CNTNAP3: variants seen among roughly 807,000 people sequenced by gnomAD.
The protein encoded by CNTNAP3 is contactin-associated protein-like 3.
CNTNAP3 carries 36 observed loss-of-function variants against 92.1 expected under a neutral mutation model. That is an observed-to-expected ratio of 0.39 (90% CI 0.30 to 0.52). CNTNAP3 has a LOEUF of 0.52. Among genes scored for constraint, CNTNAP3 ranks in the 20% least tolerant of loss-of-function variants. CNTNAP3 has a pLI of 0.76. For synonymous variants in CNTNAP3, 232 were observed against 422.3 expected, an observed-to-expected ratio of 0.55 and a Z score of 5.53; for missense variants, 534 against 1,069.6, an observed-to-expected ratio of 0.50 and a Z score of 6.98.
intron 15 of CNTNAP3, 150 bp downstream of exon 15, chr9:39,109,010 T>C (rs1335219066): frequency 8.1e-7 from 1 of 1,236,176 alleles, no homozygotes; most frequent in Non-Finnish European, 1.1e-6. Flanking sequence ...GTACTGACTG[T>C]GCCTTTATGG....
chr9:39,118,695 A>G (rs1820929861), intron 13 of CNTNAP3, among the ~76,000 whole-genome samples: 1 of 152,220 alleles, frequency 6.6e-6, no homozygotes, highest in African/African-American at 2.4e-5. Flanking sequence ...AACTACCTGT[A>G]TATTACACAT....
At chr9:39,074,445 C>A (rs968110787) in intron 23 of CNTNAP3, among the ~76,000 whole-genome samples, 2 of 148,546 alleles carry the variant, frequency 1.3e-5, no homozygotes, top group South Asian at 4.3e-4. Flanking sequence ...ATTGAAAACA[C>A]CAAAACTCAG....
At chr9:39,117,915 T>C in intron 14 of CNTNAP3, 188 bp downstream of exon 14, 2 of 1,322,234 alleles carry the variant, frequency 1.5e-6, no homozygotes, top group Non-Finnish European at 1.0e-6. Context: ...CACAACGAAC[T>C]AGTAAATCTT....
chr9:39,091,168 C>CT (rs1319060417), intron 18 of CNTNAP3, among the ~76,000 whole-genome samples: 38 of 117,932 alleles, frequency 3.2e-4, no homozygotes, highest in East Asian at 9.6e-4. Context: ...TGTTTTTCTT[C>CT]TTCTTTTTTT....
chr9:39,120,928 C>A (rs1821004702), intron 13 of CNTNAP3, among the ~76,000 whole-genome samples: 1 of 151,942 alleles, frequency 6.6e-6, no homozygotes, highest in Non-Finnish European at 1.5e-5. Flanking sequence ...ATACTCAAGA[C>A]AATGATATTT....
chr9:39,101,267 G>A lies in CNTNAP3; in HGVS notation c.2756-1117C>T, dbSNP rs566628631. Among the ~76,000 whole-genome samples the A allele has an allele frequency of 4.0e-4, 61 of 151,362 alleles. 1 individual carries two copies. Among genetic ancestry groups the A allele is most frequent in the Admixed American group, 1.8e-3 (27 of 15,196 alleles). ...ACCCCATCCACATCCACATACATAC[G>A]TGGGTTCACGTGTAGCATTTAGTAC... On this transcript the variant is annotated intron_variant, in intron 17 of 23. Transcript: ENST00000297668.
chr9:39,127,347 C>T (rs1238759554), intron 13 of CNTNAP3, among the ~76,000 whole-genome samples: 1 of 151,704 alleles, frequency 6.6e-6, no homozygotes, highest in Non-Finnish European at 1.5e-5. Flanking sequence ...GCCCTAAAGC[C>T]AATAATGTAA....
intron 21 of CNTNAP3, among the ~76,000 whole-genome samples, chr9:39,082,470 A>C (rs10974131): frequency 0.012 from 1,829 of 150,212 alleles, 35 homozygotes; most frequent in African/African-American, 0.037. Context: ...GGAAAAAAAA[A>C]CCCACAAAAT....
intron 9 of CNTNAP3, among the ~76,000 whole-genome samples, chr9:39,162,000 A>G (rs912385607): frequency 3.3e-5 from 4 of 122,222 alleles, no homozygotes; most frequent in Admixed American, 3.1e-4. Flanking sequence ...GACAAATGGG[A>G]CCTAATTAAA....
intron 9 of CNTNAP3, among the ~76,000 whole-genome samples, chr9:39,157,484 C>T (rs1821976816): frequency 8.9e-6 from 1 of 112,066 alleles, no homozygotes; most frequent in Non-Finnish European, 2.0e-5. Flanking sequence ...GGACTACAGG[C>T]GCCCACCACC....
chr9:39,134,471 C>T (rs1379707372), intron 12 of CNTNAP3, among the ~76,000 whole-genome samples: 2 of 151,766 alleles, frequency 1.3e-5, no homozygotes, highest in Non-Finnish European at 2.9e-5. Context: ...GTTGCCCAGG[C>T]TGGAGTGCAG....
intron 21 of CNTNAP3, among the ~76,000 whole-genome samples, chr9:39,081,767 A>T (rs1290486407): frequency 6.6e-6 from 1 of 151,844 alleles, no homozygotes; most frequent in African/African-American, 2.4e-5. Context: ...GGTAGACACT[A>T]GCCACATGTG....
At chr9:39,093,737 G>A (rs1051560094) in intron 18 of CNTNAP3, among the ~76,000 whole-genome samples, 19 of 151,452 alleles carry the variant, frequency 1.3e-4, no homozygotes, top group African/African-American at 3.6e-4. Flanking sequence ...ACCATTATAT[G>A]TATATACTAC....
chr9:39,162,175 G>A (rs1822090326), intron 9 of CNTNAP3, among the ~76,000 whole-genome samples: 1 of 55,176 alleles, frequency 1.8e-5, no homozygotes, highest in Non-Finnish European at 2.8e-5. Context: ...AACGGGCAAA[G>A]GACATGAACA....
intron 18 of CNTNAP3, among the ~76,000 whole-genome samples, chr9:39,098,763 A>C (rs904915070): frequency 1.8e-4 from 27 of 152,202 alleles, no homozygotes; most frequent in African/African-American, 6.5e-4. Flanking sequence ...GAATCCTCAA[A>C]ATTTTTTTGA....
chr9:39,093,297 CTT>C (rs1472275238), intron 18 of CNTNAP3, among the ~76,000 whole-genome samples: 1 of 145,076 alleles, frequency 6.9e-6, no homozygotes, highest in Non-Finnish European at 1.5e-5. Context: ...TTCCTTCTGA[CTT>C]ATTATTTTGT....
At chr9:39,085,701 C>T in intron 21 of CNTNAP3, 35 bp downstream of exon 21, 1 of 1,413,610 alleles carries the variant, frequency 7.1e-7, no homozygotes, top group Non-Finnish European at 9.7e-7. Context: ...TGTGACATGA[C>T]ACTTATTTGG....
chr9:39,124,785 A>T (rs1041853030), intron 13 of CNTNAP3, among the ~76,000 whole-genome samples: 19 of 152,228 alleles, frequency 1.2e-4, no homozygotes, highest in Non-Finnish European at 2.4e-4. Context: ...CATCAGAGAA[A>T]TGCAAATCAA....
At chr9:39,108,333 C>G (rs1826657483) in intron 15 of CNTNAP3, among the ~76,000 whole-genome samples, 1 of 151,876 alleles carries the variant, frequency 6.6e-6, no homozygotes, top group Non-Finnish European at 1.5e-5. Flanking sequence ...CTTTGAACTA[C>G]TTAGCTGCCT....
Sources: allele counts gnomAD v4.1 joint callset (sites outside exome capture counted in the v4.1 genomes callset), GRCh38; gene constraint gnomAD v4.1.1; transcripts MANE v1.5; gene names NCBI Gene and HGNC (gene_info 2026-07-23, HGNC 2026-07-21).